Variants in PCDH15 observed in about 807,000 individuals in gnomAD.
PCDH15 encodes the protein protocadherin related 15.
PCDH15 carries 129 observed loss-of-function variants against 178.5 expected under a neutral mutation model. That is an observed-to-expected ratio of 0.72 (90% CI 0.63 to 0.84). PCDH15 has a LOEUF of 0.84. Among genes scored for constraint, PCDH15 ranks in the 40% least tolerant of loss-of-function variants. The pLI is 0.00. For synonymous variants in PCDH15, 800 were observed against 732.0 expected (o/e 1.09, Z -1.50); for missense variants, 2,230 against 2,099.9 (o/e 1.06, Z -1.21).
chr10:55,594,874 C>T (rs1842909130), intron 2 of PCDH15, among the ~76,000 whole-genome samples: 1 of 151,968 alleles, frequency 6.6e-6, no homozygotes. Flanking sequence ...AACTGAACTG[C>T]AATAATATGG....
intron 1 of PCDH15, among the ~76,000 whole-genome samples, chr10:54,718,571 A>G (rs2095508524): frequency 3.3e-5 from 5 of 152,200 alleles, no homozygotes; most frequent in African/African-American, 1.2e-4. Context: ...CCAAATTAAA[A>G]CAAATTCAAA....
At chr10:54,355,120 CAAAAAAAAAAAAAA>C (rs770404490) in intron 5 of PCDH15, among the ~76,000 whole-genome samples, 2 of 69,832 alleles carry the variant, frequency 2.9e-5, no homozygotes, top group East Asian at 1.4e-3. Context: ...AGGAGGATTG[CAAAAAAAAAAAAAA>C]AAAAAAAAAA....
intron 3 of PCDH15, among the ~76,000 whole-genome samples, chr10:54,853,436 TAC>T (rs1455165946): frequency 7.2e-6 from 1 of 138,380 alleles, no homozygotes; most frequent in Non-Finnish European, 1.6e-5. Flanking sequence ...TATATACACA[TAC>T]ACATATATAT....
chr10:54,303,424 G>A (rs571926390), intron 8 of PCDH15, among the ~76,000 whole-genome samples: 6 of 151,868 alleles, frequency 4.0e-5, no homozygotes, highest in African/African-American at 1.4e-4. Context: ...TTATGTATGT[G>A]TATATATATG....
intron 2 of PCDH15, among the ~76,000 whole-genome samples, chr10:54,957,108 T>C (rs190263754): frequency 6.6e-6 from 1 of 151,864 alleles, no homozygotes; most frequent in Admixed American, 6.6e-5. Flanking sequence ...TTAAACTTTA[T>C]AACTTTCAGT....
chr10:54,822,180 T>G (rs1953053577), intron 3 of PCDH15, among the ~76,000 whole-genome samples: 1 of 152,192 alleles, frequency 6.6e-6, no homozygotes, highest in South Asian at 2.1e-4. Context: ...AAATCTTCTC[T>G]GCTAGTTATT....
intron 30 of PCDH15, 102 bp downstream of exon 30, chr10:53,831,213 T>C (rs1329133187): frequency 1.9e-6 from 2 of 1,044,506 alleles, no homozygotes; most frequent in South Asian, 1.3e-5. Flanking sequence ...CTCAGAGTAG[T>C]TGCACCATCA....
chr10:55,543,859 A>C (rs1297811751), intron 2 of PCDH15, among the ~76,000 whole-genome samples: 1 of 151,612 alleles, frequency 6.6e-6, no homozygotes, highest in Non-Finnish European at 1.5e-5. Flanking sequence ...ACTCTTGATG[A>C]AAATTTCTGT....
rs192353809 is a variant in PCDH15 at position 54,200,312 on chromosome 10, A to G, written c.1099-4423T>C. Among the ~76,000 whole-genome samples, 3 of 130,530 alleles carry G rather than the reference A, an allele frequency of 2.3e-5. No individual in the cohort carries two copies. In the East Asian group the frequency reaches 6.6e-4, roughly 29 times the overall value. 85.6% of individuals were successfully genotyped at this position (130,530 alleles called of 152,430 possible). ...TTTTGTATTTTAAATTCTGGGATACATGTGCAGAATGTGCAGGTTTGTTAC... is the reference window on the plus strand; with the variant it reads ...TTTTGTATTTTAAATTCTGGGATACGTGTGCAGAATGTGCAGGTTTGTTAC... On this transcript the variant is annotated intron_variant, in intron 10 of 37. Coordinates refer to ENST00000644397, the MANE Select transcript of PCDH15 (RefSeq NM_001384140.1).
intron 2 of PCDH15, among the ~76,000 whole-genome samples, chr10:54,991,614 A>C (rs984710495): frequency 1.3e-5 from 2 of 152,258 alleles, no homozygotes; most frequent in Non-Finnish European, 2.9e-5. Context: ...AAATATTAGT[A>C]ATGTCTTACA....
chr10:55,489,349 G>C (rs1840366292), intron 2 of PCDH15, among the ~76,000 whole-genome samples: 1 of 151,546 alleles, frequency 6.6e-6, no homozygotes, highest in South Asian at 2.1e-4. Flanking sequence ...AATTACCTCT[G>C]TCTTAATATA....
chr10:54,278,366 A>AT (rs1191379210), intron 8 of PCDH15, among the ~76,000 whole-genome samples: 1 of 151,480 alleles, frequency 6.6e-6, no homozygotes, highest in Admixed American at 6.6e-5. Flanking sequence ...AATTTATTGT[A>AT]TTTTTTGGAA....
chr10:54,312,998 T>C lies in PCDH15; in HGVS notation c.876+4273A>G, dbSNP rs1326012035. On this transcript the variant is annotated intron_variant, in intron 8 of 37. Transcript: ENST00000644397. ...ATCTTAAATTCTCATTTTTTCAAAG[T>C]ATGTTAAGGAATGGCTCAATCTGTT... Among the ~76,000 whole-genome samples, 4 of 152,200 alleles carry C rather than the reference T, an allele frequency of 2.6e-5. No individual in the cohort carries two copies. In the East Asian group the frequency reaches 7.7e-4, roughly 29 times the overall value.
intron 25 of PCDH15, among the ~76,000 whole-genome samples, chr10:53,934,325 A>C (rs925384654): frequency 1.3e-5 from 2 of 152,118 alleles, no homozygotes; most frequent in Admixed American, 1.3e-4. Context: ...CACTCATGCC[A>C]TCCCCACTGA....
At chr10:55,082,802 A>G (rs765946863) in intron 2 of PCDH15, among the ~76,000 whole-genome samples, 1 of 151,824 alleles carries the variant, frequency 6.6e-6, no homozygotes, top group Admixed American at 6.6e-5. Flanking sequence ...TTGGGAATAC[A>G]TTGATAAATG....
chr10:54,589,843 GCCTC>G, intron 2 of PCDH15, among the ~76,000 whole-genome samples: 2 of 152,126 alleles, frequency 1.3e-5, no homozygotes, highest in Middle Eastern at 6.8e-3. Context: ...TGATCTGCCT[GCCTC>G]AGTCTCCCAA....
In PCDH15 at chr10:54,153,167, T is replaced by C; in HGVS notation, c.1717A>G (p.Met573Val). The C allele has an allele frequency of 6.2e-7, 1 of 1,613,950 alleles. No homozygotes were observed. The highest frequency in any genetic ancestry group is 8.5e-7 in the Non-Finnish European group (1 of 1,179,884). The stretch of plus-strand genomic sequence containing the variant: ...AGTGCGTAAGTCCGCCCGACTATCA[T>C]TTCCACCCCTGGAGCGATGGTGATA... ...GLITIAPGVE[M>V]IVGRTYALTV... Residue 573 changes from methionine (M) to valine (V), a missense_variant, in exon 14 of 38, where the codon ATG becomes GTG. Coordinates refer to ENST00000644397, the MANE Select transcript of PCDH15 (RefSeq NM_001384140.1).
intron 2 of PCDH15, among the ~76,000 whole-genome samples, chr10:54,919,453 T>G (rs1837427682): frequency 6.6e-6 from 1 of 152,288 alleles, no homozygotes; most frequent in Non-Finnish European, 1.5e-5. Flanking sequence ...TTAGGAACAA[T>G]TTCAAGCCAT....
chr10:53,907,474 CA>C (rs1263265869), intron 25 of PCDH15, among the ~76,000 whole-genome samples: 1 of 152,150 alleles, frequency 6.6e-6, no homozygotes, highest in African/African-American at 2.4e-5. Context: ...AAGAGAACCA[CA>C]AACAGTGAAA....
Sources: gnomAD v4.1 joint callset for allele counts (sites outside exome capture counted in the v4.1 genomes callset) on GRCh38, gnomAD v4.1.1 for gene constraint, MANE v1.5 for transcripts, NCBI Gene and HGNC (gene_info 2026-07-23, HGNC 2026-07-21) for gene names.